Variants in PDE3B observed in about 807,000 individuals in gnomAD.
The protein encoded by PDE3B is cGMP-inhibited 3',5'-cyclic phosphodiesterase 3B.
PDE3B carries 66 observed loss-of-function variants against 116.8 expected under a neutral mutation model. The observed-to-expected ratio is 0.56, with a 90% CI of 0.46 to 0.69. The LOEUF is 0.69. Among genes scored for constraint, PDE3B ranks in the 30% least tolerant of loss-of-function variants. PDE3B has a pLI of 0.00. For synonymous variants in PDE3B, 595 were observed against 533.6 expected (o/e 1.12, Z -1.59); for missense variants, 1,384 against 1,368.1 (o/e 1.01, Z -0.18).
chr11:14,733,457 T>G (rs144155763), intron 1 of PDE3B, among the ~76,000 whole-genome samples: 1 of 152,366 alleles, frequency 6.6e-6, no homozygotes, highest in African/African-American at 2.4e-5. Context: ...TGATATATTA[T>G]GTAGTATGAG....
At chr11:14,674,255 G>T (rs973242947) in intron 1 of PDE3B, 1 of 1,167,208 alleles carries the variant, frequency 8.6e-7, no homozygotes, top group Non-Finnish European at 1.3e-6. Context: ...TTCTGTTGGA[G>T]ACCAGATGTC....
chr11:14,798,193 C>T (rs936999171), intron 4 of PDE3B, among the ~76,000 whole-genome samples: 9 of 151,944 alleles, frequency 5.9e-5, no homozygotes, highest in Non-Finnish European at 8.8e-5. Context: ...GATAATCATG[C>T]GGTTTTTGTC....
the PDE3B span, among the ~76,000 whole-genome samples, chr11:14,882,814 T>A: frequency 3.3e-5 from 5 of 152,210 alleles, no homozygotes; most frequent in Admixed American, 2.6e-4. Flanking sequence ...CTCCTTAAGC[T>A]GATAAGCAAC....
the PDE3B span, among the ~76,000 whole-genome samples, chr11:14,895,793 A>C: frequency 6.6e-6 from 1 of 152,252 alleles, no homozygotes; most frequent in Non-Finnish European, 1.5e-5. Context: ...GAAAATGCAA[A>C]ACCTGGTGGC....
chr11:14,728,455 G>A (rs149906804), intron 1 of PDE3B, among the ~76,000 whole-genome samples: 99 of 152,206 alleles, frequency 6.5e-4, no homozygotes, highest in Non-Finnish European at 1.2e-3. Context: ...AAAAGGAAGA[G>A]GAAGTAACAT....
At chr11:14,684,447 A>T (rs1468215577) in intron 1 of PDE3B, among the ~76,000 whole-genome samples, 1 of 152,200 alleles carries the variant, frequency 6.6e-6, no homozygotes, top group East Asian at 1.9e-4. Context: ...GAGAACAAAG[A>T]TCACATGCTT....
In PDE3B at chr11:14,696,963, G is replaced by A. The variant is rs552510263; in HGVS notation, c.978+51910G>A. 2.6e-5 allele frequency among the ~76,000 whole-genome samples: 4 copies of A among 151,970 alleles called. No individual in the cohort carries two copies. The South Asian group carries it at 6.2e-4, about 24-fold the overall frequency. ...ATCTTTCACTTTTTTTTTAGGCAGG[G>A]TCTTGCTCTGTCACTCAGGTTGGAG... is the stretch of plus-strand genomic sequence containing the variant. On this transcript the variant is annotated intron_variant, in intron 1 of 15. Transcript: ENST00000282096.
rs1167538580 is a variant in PDE3B at position 14,805,835 on chromosome 11, A to ATG, written c.1522+1786_1522+1787dup. Among the ~76,000 whole-genome samples the ATG allele has an allele frequency of 2.6e-5, 4 of 152,360 alleles. No homozygotes were observed. In the East Asian group the frequency reaches 7.7e-4, roughly 29 times the overall value. On this transcript the variant is annotated intron_variant, in intron 5 of 15. Transcript: ENST00000282096. ...ATGGGTCAAAAAGTTGGCAAAGGAT[A>ATG]TGAATAGACACTTCTCAAAAGAAGA...
At chr11:14,895,767 A>T in the PDE3B span, among the ~76,000 whole-genome samples, 1 of 152,244 alleles carries the variant, frequency 6.6e-6, no homozygotes, top group East Asian at 1.9e-4. Context: ...AACATTCCCT[A>T]TAACAGGCTA....
chr11:14,833,536 A>G (rs1056201114), intron 10 of PDE3B, among the ~76,000 whole-genome samples: 6 of 152,154 alleles, frequency 3.9e-5, no homozygotes, highest in Non-Finnish European at 7.4e-5. Flanking sequence ...TCAGAAAATC[A>G]TTCACTTAAA....
intron 1 of PDE3B, among the ~76,000 whole-genome samples, chr11:14,680,890 G>A (rs565218097): frequency 2.0e-5 from 3 of 151,462 alleles, no homozygotes; most frequent in East Asian, 1.9e-4. Flanking sequence ...TCAGTGTTTC[G>A]TAATTTTTAG....
intron 2 of PDE3B, among the ~76,000 whole-genome samples, chr11:14,781,453 T>C (rs530638282): frequency 3.9e-4 from 59 of 152,306 alleles, no homozygotes; most frequent in African/African-American, 1.3e-3. Flanking sequence ...ATCAAAAAGC[T>C]TATCCACCAT....
chr11:14,811,180 C>A (rs1486327652), intron 5 of PDE3B, among the ~76,000 whole-genome samples: 2 of 151,776 alleles, frequency 1.3e-5, no homozygotes, highest in Non-Finnish European at 2.9e-5. Flanking sequence ...TAATTAGATC[C>A]CATTTGTCAA....
At chr11:14,825,108 T>C (rs1859646746) in intron 7 of PDE3B, among the ~76,000 whole-genome samples, 1 of 152,184 alleles carries the variant, frequency 6.6e-6, no homozygotes, top group African/African-American at 2.4e-5. Context: ...CATTTGTTAC[T>C]ACGAGACCCA....
At chr11:14,813,837 C>T (rs1309687181) in intron 5 of PDE3B, among the ~76,000 whole-genome samples, 1 of 152,074 alleles carries the variant, frequency 6.6e-6, no homozygotes, top group African/African-American at 2.4e-5. Context: ...GCCAACATCT[C>T]TTGTGAATAT....
rs139986488 is a variant in PDE3B at position 14,789,212 on chromosome 11, A to G, written c.1385A>G (p.Lys462Arg). 27 of 1,609,308 alleles carry G rather than the reference A, an allele frequency of 1.7e-5. No homozygotes were observed. The African/African-American group carries it at 3.3e-4, about 20-fold the overall frequency. ...TCAAGGTGGGATCGTAATAATGGCAAAAGACCTCACCAAGAATTTGGCATT... is the reference window on the plus strand; with the variant it reads ...TCAAGGTGGGATCGTAATAATGGCAGAAGACCTCACCAAGAATTTGGCATT... ...QSSRWDRNNG[K>R]RPHQEFGISS... The change falls in exon 4 of 16, where the codon AAA becomes AGA. Residue 462 changes from lysine to arginine, a missense_variant. By Grantham distance (26) the Lys-to-Arg change is conservative. Coordinates refer to ENST00000282096, the MANE Select transcript of PDE3B (RefSeq NM_000922.4).
chr11:14,816,900 C>T (rs537400517), intron 5 of PDE3B, among the ~76,000 whole-genome samples: 1 of 152,274 alleles, frequency 6.6e-6, no homozygotes, highest in Admixed American at 6.5e-5. Flanking sequence ...GGATCTAGAA[C>T]TAGAAATACC....
the PDE3B span, chr11:14,891,278 C>T: frequency 1.0e-6 from 1 of 985,246 alleles, no homozygotes; most frequent in African/African-American, 1.7e-5. Context: ...AAATGAGTCA[C>T]CAAGTTGGCA....
chr11:14,867,691 T>C lies in PDE3B; in HGVS notation c.3072T>C (p.Ser1024=). Residue 1024 remains serine (S), a synonymous_variant, in exon 15 of 16, where the codon AGT becomes AGC. Transcript: ENST00000282096. The stretch of plus-strand genomic sequence containing the variant: ...CAGAAGAGGATAATGATACTGAAAG[T>C]GGTGATGATGAAGACGGTGAAGAAT... ...LEAEEDNDTE[S]GDDEDGEELD... 2 of 1,613,400 alleles carry C rather than the reference T, an allele frequency of 1.2e-6. No individual in the cohort carries two copies. Among genetic ancestry groups the C allele is most frequent in the Non-Finnish European group, 1.7e-6 (2 of 1,179,430 alleles).
Sources: gnomAD v4.1 joint callset for allele counts (sites outside exome capture counted in the v4.1 genomes callset) on GRCh38, gnomAD v4.1.1 for gene constraint, MANE v1.5 for transcripts, NCBI Gene and HGNC (gene_info 2026-07-23, HGNC 2026-07-21) for gene names.